The following TMEM178B variants were observed in gnomAD, a reference collection of about 807,000 sequenced individuals.
The protein encoded by TMEM178B is transmembrane protein 178B.
A neutral mutation model predicts 31.0 loss-of-function variants in TMEM178B; 5 were observed. The observed-to-expected ratio is 0.16, with a 90% CI of 0.08 to 0.34. The LOEUF (loss-of-function observed/expected upper bound fraction) is 0.34, where lower values mean the gene tolerates loss of function less well. Ranked by LOEUF, TMEM178B falls within the 10% of genes least tolerant of loss-of-function variation. The pLI is 1.00. For synonymous variants in TMEM178B, 164 were observed against 164.0 expected (o/e 1.00, Z 0.00); for missense variants, 275 against 400.3 (o/e 0.69, Z 2.67).
Position 141,458,698 on chromosome 7 carries a change from T to C in TMEM178B, c.635-11838T>C, listed in dbSNP as rs559262844. Among the ~76,000 whole-genome samples, 20 of 152,340 alleles carry C rather than the reference T, an allele frequency of 1.3e-4. No homozygotes were observed. The South Asian group carries it at 4.1e-3, about 32-fold the overall frequency. Reference sequence around the variant, plus strand: ...CATTTCTAATATTATACCTTACATGTAGAAAGCAATTTTAACTCTTCACAT... The same window carrying C: ...CATTTCTAATATTATACCTTACATGCAGAAAGCAATTTTAACTCTTCACAT... On this transcript the variant is annotated intron_variant, in intron 3 of 3. Transcript: ENST00000565468.
intron 1 of TMEM178B, among the ~76,000 whole-genome samples, chr7:141,210,565 CAG>C (rs1324001457): frequency 1.3e-5 from 2 of 152,150 alleles, no homozygotes; most frequent in African/African-American, 2.4e-5. Context: ...ATATCAATAA[CAG>C]AGTTTCCCAC....
intron 1 of TMEM178B, among the ~76,000 whole-genome samples, chr7:141,197,872 A>G (rs368925769): frequency 6.6e-6 from 1 of 152,306 alleles, no homozygotes; most frequent in East Asian, 1.9e-4. Flanking sequence ...ACCTCAGGTG[A>G]TCCACCAACC....
intron 1 of TMEM178B, among the ~76,000 whole-genome samples, chr7:141,136,037 C>T (rs1476299384): frequency 6.6e-6 from 1 of 152,040 alleles, no homozygotes. Flanking sequence ...TCCTAGAATT[C>T]ATATGGAACC....
intron 2 of TMEM178B, among the ~76,000 whole-genome samples, chr7:141,220,761 C>A (rs191655786): frequency 1.3e-5 from 2 of 152,160 alleles, no homozygotes; most frequent in Non-Finnish European, 2.9e-5. Context: ...TCTGGCTGAG[C>A]GCACTGATAC....
intron 2 of TMEM178B, among the ~76,000 whole-genome samples, chr7:141,212,953 TAGAC>T (rs1223235860): frequency 6.6e-6 from 1 of 152,238 alleles, no homozygotes; most frequent in Non-Finnish European, 1.5e-5. Flanking sequence ...AACTAGCAAT[TAGAC>T]AGTCATCTTA....
chr7:141,123,083 T>C, intron 1 of TMEM178B, among the ~76,000 whole-genome samples: 1 of 152,244 alleles, frequency 6.6e-6, no homozygotes, highest in East Asian at 1.9e-4. Flanking sequence ...TTTATTGCCG[T>C]CTCTTGCTTT....
At chr7:141,363,024 C>T (rs187814245) in intron 2 of TMEM178B, among the ~76,000 whole-genome samples, 1 of 152,288 alleles carries the variant, frequency 6.6e-6, no homozygotes, top group Admixed American at 6.5e-5. Context: ...CCTCTGGAGA[C>T]AGAGCAGGCC....
chr7:141,130,050 C>T (rs978633282), intron 1 of TMEM178B, among the ~76,000 whole-genome samples: 2 of 152,100 alleles, frequency 1.3e-5, no homozygotes, highest in African/African-American at 4.8e-5. Context: ...TATTCAGATT[C>T]CTATTCATAT....
intron 2 of TMEM178B, among the ~76,000 whole-genome samples, chr7:141,399,638 T>G (rs1800718741): frequency 6.6e-6 from 1 of 152,218 alleles, no homozygotes; most frequent in African/African-American, 2.4e-5. Flanking sequence ...ATTTCACACC[T>G]GTTTTCTAAG....
intron 3 of TMEM178B, among the ~76,000 whole-genome samples, chr7:141,452,653 G>A (rs1232714840): frequency 1.3e-5 from 2 of 152,106 alleles, no homozygotes; most frequent in Non-Finnish European, 2.9e-5. Flanking sequence ...CAACCTCTGA[G>A]CCTGCGTTTT....
At chr7:141,301,647 T>TGA (rs1255506236) in intron 2 of TMEM178B, among the ~76,000 whole-genome samples, 30 of 152,310 alleles carry the variant, frequency 2.0e-4, no homozygotes, top group African/African-American at 7.0e-4. Context: ...GAGCAGTGTT[T>TGA]CGTAGGTGTG....
chr7:141,193,160 G>A (rs964473660), intron 1 of TMEM178B, among the ~76,000 whole-genome samples: 3 of 152,282 alleles, frequency 2.0e-5, no homozygotes, highest in South Asian at 4.1e-4. Flanking sequence ...CAGCCCTTCT[G>A]CTAAACCATC....
downstream of TMEM178B, among the ~76,000 whole-genome samples, chr7:141,485,059 G>A (rs1188157701): frequency 1.3e-5 from 2 of 152,174 alleles, no homozygotes; most frequent in Non-Finnish European, 2.9e-5. Context: ...AGGTGTCAGG[G>A]AAGCATTGAT....
chr7:141,287,985 C>T (rs1268767971), intron 2 of TMEM178B, among the ~76,000 whole-genome samples: 1 of 151,896 alleles, frequency 6.6e-6, no homozygotes, highest in Non-Finnish European at 1.5e-5. Context: ...TGTTTTTTTC[C>T]CCCCCAATAC....
At chr7:141,253,210 C>T (rs1481375818) in intron 2 of TMEM178B, among the ~76,000 whole-genome samples, 3 of 152,172 alleles carry the variant, frequency 2.0e-5, no homozygotes, top group Non-Finnish European at 4.4e-5. Flanking sequence ...TGTTGCCAGT[C>T]CCTTTGTGCT....
intron 2 of TMEM178B, among the ~76,000 whole-genome samples, chr7:141,294,690 C>T (rs976368519): frequency 4.6e-5 from 7 of 152,134 alleles, no homozygotes; most frequent in Non-Finnish European, 7.3e-5. Context: ...TTTCAGGGGG[C>T]AGGGATTTCA....
intron 2 of TMEM178B, among the ~76,000 whole-genome samples, chr7:141,215,348 T>G (rs1454228596): frequency 6.6e-6 from 1 of 151,462 alleles, no homozygotes; most frequent in African/African-American, 2.4e-5. Flanking sequence ...TTTTTTGAGA[T>G]GGAGTCTCAC....
At chr7:141,227,835 C>T (rs1797371267) in intron 2 of TMEM178B, among the ~76,000 whole-genome samples, 1 of 152,194 alleles carries the variant, frequency 6.6e-6, no homozygotes, top group South Asian at 2.1e-4. Context: ...CCTGAAGAAG[C>T]TTCTGTGGCT....
intron 2 of TMEM178B, among the ~76,000 whole-genome samples, chr7:141,285,915 G>A (rs1177380102): frequency 6.6e-6 from 1 of 152,090 alleles, no homozygotes; most frequent in Admixed American, 6.6e-5. Flanking sequence ...ACACAGGGAG[G>A]GGAACATCAC....
Sources: gnomAD v4.1 joint callset for allele counts (sites outside exome capture counted in the v4.1 genomes callset) on GRCh38, gnomAD v4.1.1 for gene constraint, MANE v1.5 for transcripts, NCBI Gene and HGNC (gene_info 2026-07-23, HGNC 2026-07-21) for gene names.